The following STMP1 variants were observed in gnomAD, a reference collection of about 807,000 sequenced individuals.
STMP1 encodes the protein short transmembrane mitochondrial protein 1, also known as mitolamban.
In STMP1, 7 loss-of-function variants were observed where a neutral mutation model predicts 7.0. The observed-to-expected ratio is 1.01, with a 90% confidence interval of 0.57 to 1.89. The LOEUF (loss-of-function observed/expected upper bound fraction) is 1.89, where lower values mean the gene tolerates loss of function less well. Ranked by LOEUF, STMP1 falls within the 40% of genes most tolerant of loss-of-function variation. The probability of loss-of-function intolerance (pLI) is 0.00; values close to 1 mark genes in which losing one functional copy is unlikely to be tolerated. For missense variants in STMP1, 45 were observed against 53.0 expected (o/e 0.85, Z 0.47); for synonymous variants, 19 against 18.4 (o/e 1.03, Z -0.08).
chr7:135,669,960 ATT>A (rs1314031595), intron 1 of STMP1, among the ~76,000 whole-genome samples: 2 of 152,222 alleles, frequency 1.3e-5, no homozygotes, highest in East Asian at 3.9e-4. Context: ...TGTACTCTCT[ATT>A]TATAGAGCTG....
Position 135,674,509 on chromosome 7 carries a change from G to A in STMP1, c.*344G>A, listed in dbSNP as rs570325916. The A allele has an allele frequency of 4.9e-4, 95 of 192,346 alleles. No homozygotes were observed. Among genetic ancestry groups the A allele is most frequent in the African/African-American group, 2.2e-3 (93 of 42,972 alleles). 11.9% of individuals were successfully genotyped at this position (192,346 alleles called of 1,614,324 possible). On this transcript the variant is annotated 3_prime_UTR_variant, in exon 3 of 3. Coordinates refer to ENST00000507606, the MANE Select transcript of STMP1 (RefSeq NM_001130929.2). ...CTTTTTTCAAAAGAAAAATTGATGA[G>A]TTTTGTATAGCTGGTCAGATACAAA...
chr7:135,668,256 A>G (rs1446433646), intron 1 of STMP1, among the ~76,000 whole-genome samples: 1 of 152,208 alleles, frequency 6.6e-6, no homozygotes, highest in Admixed American at 6.5e-5. Context: ...TTCTTAAAAA[A>G]AAAATTACCT....
intron 1 of STMP1, among the ~76,000 whole-genome samples, chr7:135,663,470 G>T (rs978805686): frequency 6.6e-6 from 1 of 151,924 alleles, no homozygotes; most frequent in Admixed American, 6.6e-5. Flanking sequence ...TCGGCCTCCG[G>T]AGTAGCTGGG....
At chr7:135,662,654 C>A (rs1332965373) in intron 1 of STMP1, 60 bp downstream of exon 1, 1 of 1,531,228 alleles carries the variant, frequency 6.5e-7, no homozygotes, top group African/African-American at 1.4e-5. Context: ...GACCCCATTT[C>A]CCCCTTGAGG....
At position 135,662,573 on chromosome 7, in the gene STMP1, C is replaced by T; in HGVS notation, c.-7C>T. The T allele has an allele frequency of 6.5e-7, 1 of 1,548,580 alleles. No individual in the cohort carries two copies. Among genetic ancestry groups the T allele is most frequent in the Non-Finnish European group, 8.7e-7 (1 of 1,145,806 alleles). ...TTCGCGCCCTCCTCGCCCTCCCCAC[C>T]GACATCATGCTCCAGTTCCTGGTGA... On this transcript the variant is annotated 5_prime_UTR_variant, in exon 1 of 3. Coordinates refer to ENST00000507606, the MANE Select transcript of STMP1 (RefSeq NM_001130929.2).
At chr7:135,662,714 G>C (rs1260288280) in intron 1 of STMP1, 120 bp downstream of exon 1, 3 of 1,200,664 alleles carry the variant, frequency 2.5e-6, no homozygotes, top group Non-Finnish European at 3.4e-6. Flanking sequence ...CGGTCCCTTC[G>C]TCCCCCGCGC....
chr7:135,662,686 G>A, intron 1 of STMP1, 92 bp downstream of exon 1: 1 of 1,451,578 alleles, frequency 6.9e-7, no homozygotes, highest in Admixed American at 2.2e-5. Context: ...CGCCGACCCG[G>A]CCTGGGCGTG....
chr7:135,664,495 A>G (rs1033929256), intron 1 of STMP1, among the ~76,000 whole-genome samples: 2 of 151,890 alleles, frequency 1.3e-5, no homozygotes, highest in Non-Finnish European at 1.5e-5. Context: ...CTAGGACTAC[A>G]GGCCCGCACT....
chr7:135,665,583 A>G (rs1426944734), intron 1 of STMP1: 2 of 145,766 alleles, frequency 1.4e-5, no homozygotes, highest in East Asian at 3.9e-4. Flanking sequence ...CACTGCTCCT[A>G]GACTTTTTTT....
rs1161496037 is a variant in STMP1, at chr7:135,675,630, C to T, written c.*1465C>T. 1 of 152,146 alleles carries T rather than the reference C, an allele frequency of 6.6e-6. No individual in the cohort carries two copies. The highest frequency in any genetic ancestry group is 1.5e-5 in the Non-Finnish European group (1 of 68,030). The allele number at this position is 152,146 out of a possible 1,614,324, so 9.4% of individuals were successfully genotyped here. A position where few individuals can be genotyped will look rare whatever the true frequency, so the allele number is the denominator to read the frequency against. On this transcript the variant is annotated 3_prime_UTR_variant, in exon 3 of 3. Coordinates refer to ENST00000507606, the MANE Select transcript of STMP1 (RefSeq NM_001130929.2). ...TTAGACTAAATACAAATACCCATTT[C>T]GCTAGCTGTTTTGTTTCAGAGGACT... is the stretch of plus-strand genomic sequence containing the variant.
At chr7:135,665,873 A>G (rs1322293902) in intron 1 of STMP1, among the ~76,000 whole-genome samples, 1 of 151,088 alleles carries the variant, frequency 6.6e-6, no homozygotes, top group Non-Finnish European at 1.5e-5. Context: ...CACACTGCCT[A>G]TGATGTTGTT....
intron 1 of STMP1, chr7:135,665,733 C>T (rs1019379937): frequency 2.2e-4 from 33 of 152,022 alleles, no homozygotes; most frequent in Admixed American, 2.0e-3. Context: ...TAAAAGACAC[C>T]TCTTTGCAGA....
chr7:135,667,286 C>G (rs3112325), intron 1 of STMP1, among the ~76,000 whole-genome samples: 53,892 of 152,162 alleles, frequency 0.35, 10,094 homozygotes, highest in East Asian at 0.55. Context: ...TCTCGGCTCA[C>G]TGCAACCTCT....
In STMP1 at chr7:135,674,218, C is replaced by T; in HGVS notation, c.*53C>T. On this transcript the variant is annotated 3_prime_UTR_variant, in exon 3 of 3. Coordinates refer to ENST00000507606, the MANE Select transcript of STMP1 (RefSeq NM_001130929.2). Reference sequence around the variant, plus strand: ...ATACTGATTCTACTGCTCTTGAGGGCCTCGTTTACTATCTGAACCAAAAGC... The same window carrying T: ...ATACTGATTCTACTGCTCTTGAGGGTCTCGTTTACTATCTGAACCAAAAGC... 12 of 1,321,842 alleles carry T rather than the reference C, an allele frequency of 9.1e-6. No individual in the cohort carries two copies. The South Asian group carries it at 1.6e-4, about 18-fold the overall frequency. 81.9% of individuals were successfully genotyped at this position (1,321,842 alleles called of 1,614,324 possible). A position where few individuals can be genotyped will look rare whatever the true frequency, so the allele number is the denominator to read the frequency against.
intron 1 of STMP1, among the ~76,000 whole-genome samples, chr7:135,668,869 T>G (rs1413544023): frequency 1.3e-5 from 2 of 152,248 alleles, no homozygotes; most frequent in Non-Finnish European, 2.9e-5. Context: ...CATTCAGTTT[T>G]CTTCGCATTT....
rs1315768534 is a variant in STMP1 at position 135,675,034 on chromosome 7, C to CA, written c.*870dup. On this transcript the variant is annotated 3_prime_UTR_variant, in exon 3 of 3. Transcript: ENST00000507606. ...ATATAGCCCAAATGTATAGTAAAATCAGCAGCTCAAGAAGAATTTCTGCTT... is the reference window on the plus strand; with the variant it reads ...ATATAGCCCAAATGTATAGTAAAATCAAGCAGCTCAAGAAGAATTTCTGCTT... The CA allele has an allele frequency of 2.6e-5, 4 of 152,154 alleles. No individual in the cohort carries two copies. The highest frequency in any genetic ancestry group is 5.9e-5 in the Non-Finnish European group (4 of 68,024). 9.4% of individuals were successfully genotyped at this position (152,154 alleles called of 1,614,324 possible).
At chr7:135,666,385 G>A (rs1040811735) in intron 1 of STMP1, among the ~76,000 whole-genome samples, 4 of 152,070 alleles carry the variant, frequency 2.6e-5, no homozygotes, top group African/African-American at 9.7e-5. Context: ...GTCTCACTCT[G>A]TCACCCAGGC....
chr7:135,669,312 A>C (rs1234952171), intron 1 of STMP1, among the ~76,000 whole-genome samples: 1 of 152,232 alleles, frequency 6.6e-6, no homozygotes, highest in East Asian at 1.9e-4. Flanking sequence ...TTTTTCAAGT[A>C]TGATTTCTTA....
At chr7:135,668,611 C>T (rs1017817946) in intron 1 of STMP1, among the ~76,000 whole-genome samples, 3 of 152,168 alleles carry the variant, frequency 2.0e-5, no homozygotes, top group African/African-American at 2.4e-5. Context: ...ACCATGATGC[C>T]CAGGCTGGTC....
Sources: gnomAD v4.1 joint callset for allele counts (sites outside exome capture counted in the v4.1 genomes callset) on GRCh38, gnomAD v4.1.1 for gene constraint, MANE v1.5 for transcripts, NCBI Gene and HGNC (gene_info 2026-07-23, HGNC 2026-07-21) for gene names.